Variants in TMIGD3 observed in about 807,000 individuals in gnomAD.
TMIGD3 encodes the protein AD026 protein (AD026).
TMIGD3 carries 21 observed loss-of-function variants against 28.1 expected under a neutral mutation model. The ratio of observed to expected loss-of-function variants is 0.75; its 90% CI spans 0.53 to 1.08. The LOEUF is 1.08. Among genes scored for constraint, TMIGD3 ranks in the 50% least tolerant of loss-of-function variants. The pLI is 0.00. For synonymous variants in TMIGD3, 151 were observed against 162.1 expected, an observed-to-expected ratio of 0.93 and a Z score of 0.52; for missense variants, 416 against 435.6, an observed-to-expected ratio of 0.96 and a Z score of 0.40.
chr1:111,507,039 GTATATA>G (rs59345912), upstream of TMIGD3, among the ~76,000 whole-genome samples: 25,199 of 125,766 alleles, frequency 0.2, 2,714 homozygotes, highest in Admixed American at 0.34. Context: ...GTGTGTGTGT[GTATATA>G]TATATATATA....
chr1:111,542,843 T>A (rs1656888273), intron 1 of TMIGD3, among the ~76,000 whole-genome samples: 1 of 152,070 alleles, frequency 6.6e-6, no homozygotes. Flanking sequence ...ACTACAGGCA[T>A]GAACCACCAT....
chr1:111,506,487 C>CTTTGGG (rs1655493576), upstream of TMIGD3, among the ~76,000 whole-genome samples: 1 of 152,254 alleles, frequency 6.6e-6, no homozygotes, highest in Non-Finnish European at 1.5e-5. Context: ...GGTTAAATAA[C>CTTTGGG]TTGCCCAAAG....
Position 111,499,119 on chromosome 1 carries a change from CAAAAG to C in TMIGD3, c.350+3881_350+3885del, listed in dbSNP as rs894032874. 8.7e-5 allele frequency among the ~76,000 whole-genome samples: 13 copies of C among 149,284 alleles called. No homozygotes were observed. In the South Asian group the frequency reaches 1.1e-3, roughly 12 times the overall value. On this transcript the variant is annotated intron_variant, in intron 1 of 5. Transcript: ENST00000369716. ...AAAAAAAAGAAAAAAAAGAAAGAAA[CAAAAG>C]AAAAGAAAAGGGCTCAACAAATAAT... is the stretch of plus-strand genomic sequence containing the variant.
At chr1:111,549,765 C>G (rs1384305436) in intron 1 of TMIGD3, among the ~76,000 whole-genome samples, 1 of 152,134 alleles carries the variant, frequency 6.6e-6, no homozygotes, top group Non-Finnish European at 1.5e-5. Context: ...CCTTCCACTG[C>G]AGCCCCCCAT....
intron 1 of TMIGD3, among the ~76,000 whole-genome samples, chr1:111,562,775 G>A (rs1657791064): frequency 6.6e-6 from 1 of 152,208 alleles, no homozygotes; most frequent in Admixed American, 6.5e-5. Context: ...CCTCTTGATA[G>A]GCTGGAAGAC....
intron 1 of TMIGD3, among the ~76,000 whole-genome samples, chr1:111,516,243 G>A (rs1655863994): frequency 6.6e-6 from 1 of 152,204 alleles, no homozygotes; most frequent in Non-Finnish European, 1.5e-5. Context: ...GTGGGAATGC[G>A]AGCCAAAAGG....
At chr1:111,551,268 C>A (rs376669320) in intron 1 of TMIGD3, among the ~76,000 whole-genome samples, 16 of 152,132 alleles carry the variant, frequency 1.1e-4, no homozygotes, top group African/African-American at 3.9e-4. Context: ...CTTACGTGTG[C>A]CATTTTGCTA....
Position 111,503,243 on chromosome 1 carries a change from T to C in TMIGD3, c.112A>G (p.Lys38Glu). The C allele has an allele frequency of 6.2e-7, 1 of 1,614,240 alleles. No individual in the cohort carries two copies. Among genetic ancestry groups the C allele is most frequent in the Non-Finnish European group, 8.5e-7 (1 of 1,180,032 alleles). ...GTGGTCTGCAGGCTGGGGTTCAGCT[T>C]GACCACGCAGATGACCAGCACGTTG... ...VGNVLVICVV[K>E]LNPSLQTTTF... Residue 38 changes from lysine to glutamate, a missense_variant, in exon 1 of 6, where the codon AAG becomes GAG. Transcript: ENST00000369716.
intron 1 of TMIGD3, among the ~76,000 whole-genome samples, chr1:111,553,579 T>C (rs75222659): frequency 0.031 from 4,711 of 152,312 alleles, 227 homozygotes; most frequent in African/African-American, 0.11. Flanking sequence ...TAAACCTAAT[T>C]TCTACTGGTT....
intron 1 of TMIGD3, among the ~76,000 whole-genome samples, chr1:111,560,802 T>C (rs1657708496): frequency 2.0e-5 from 3 of 152,122 alleles, no homozygotes; most frequent in Admixed American, 1.3e-4. Flanking sequence ...GGGTAAATAG[T>C]TCTTGATCGT....
intron 1 of TMIGD3, among the ~76,000 whole-genome samples, chr1:111,491,049 A>G (rs6537702): frequency 0.14 from 21,461 of 152,278 alleles, 1,746 homozygotes; most frequent in African/African-American, 0.21. Flanking sequence ...GTGCTCTACT[A>G]TGCCCTGTCC....
Position 111,541,737 on chromosome 1 carries a change from T to C in TMIGD3, c.107+22109A>G, listed in dbSNP as rs537586295. On this transcript the variant is annotated intron_variant, in intron 1 of 5. Transcript: ENST00000369717. ...AAGTGCAGGAGGCTAAAGCAGACCC[T>C]AAGAAACCCAACATTCAGTGGAGGG... is the stretch of plus-strand genomic sequence containing the variant. 3.6e-4 allele frequency among the ~76,000 whole-genome samples: 55 copies of C among 151,868 alleles called. 1 individual carries two copies. The South Asian group carries it at 0.011, about 31-fold the overall frequency.
At chr1:111,549,429 A>T (rs1657169637) in intron 1 of TMIGD3, among the ~76,000 whole-genome samples, 1 of 150,714 alleles carries the variant, frequency 6.6e-6, no homozygotes, top group Non-Finnish European at 1.5e-5. Flanking sequence ...CAGGTGGATC[A>T]CCTGAGGTCA....
At chr1:111,513,794 C>T (rs4839139) in intron 1 of TMIGD3, among the ~76,000 whole-genome samples, 37,374 of 152,074 alleles carry the variant, frequency 0.25, 5,684 homozygotes, top group Non-Finnish European at 0.34. Context: ...TCGGAGTTGG[C>T]GCCCTCTCCA....
At chr1:111,538,966 A>G (rs779756368) in intron 1 of TMIGD3, among the ~76,000 whole-genome samples, 3 of 151,832 alleles carry the variant, frequency 2.0e-5, no homozygotes, top group East Asian at 3.9e-4. Context: ...TACACCCCCA[A>G]TGGGCCTGAT....
intron 1 of TMIGD3, among the ~76,000 whole-genome samples, chr1:111,515,769 G>T (rs1655842189): frequency 6.6e-6 from 1 of 152,202 alleles, no homozygotes; most frequent in South Asian, 2.1e-4. Flanking sequence ...GAGGGGGCGG[G>T]ACTGTCGACC....
chr1:111,551,814 G>A (rs1218491669), intron 1 of TMIGD3, among the ~76,000 whole-genome samples: 2 of 149,870 alleles, frequency 1.3e-5, no homozygotes, highest in African/African-American at 2.4e-5. Context: ...ACTTTATTGG[G>A]GCATGCCTTC....
chr1:111,543,286 A>C (rs1034275837), intron 1 of TMIGD3, among the ~76,000 whole-genome samples: 2 of 152,084 alleles, frequency 1.3e-5, no homozygotes, highest in Non-Finnish European at 2.9e-5. Flanking sequence ...AAATATATAT[A>C]TATATTTCAC....
At chr1:111,514,362 T>C (rs979750369) in intron 1 of TMIGD3, among the ~76,000 whole-genome samples, 1 of 151,966 alleles carries the variant, frequency 6.6e-6, no homozygotes, top group Non-Finnish European at 1.5e-5. Flanking sequence ...ATAAGCAACA[T>C]AGCAAGACCC....
Sources: allele counts gnomAD v4.1 joint callset (sites outside exome capture counted in the v4.1 genomes callset), GRCh38; gene constraint gnomAD v4.1.1; transcripts MANE v1.5; gene names NCBI Gene and HGNC (gene_info 2026-07-23, HGNC 2026-07-21).